CAPZB: variants seen among roughly 807,000 people sequenced by gnomAD.
CAPZB encodes capping actin protein of muscle Z-line subunit beta.
Under a neutral mutation model 38.1 loss-of-function variants are expected in CAPZB, and 2 were observed. The observed-to-expected ratio is 0.05, with a 90% CI of 0.02 to 0.17. CAPZB has a LOEUF of 0.17. Ranked by LOEUF, CAPZB falls within the 10% of genes least tolerant of loss-of-function variation. CAPZB has a pLI of 1.00. For synonymous variants in CAPZB, 107 were observed against 127.4 expected (o/e 0.84, Z 1.08); for missense variants, 161 against 334.2 (o/e 0.48, Z 4.04).
chr1:19,476,223 GA>G (rs1400759398), intron 1 of CAPZB, among the ~76,000 whole-genome samples: 2 of 14,400 alleles, frequency 1.4e-4, no homozygotes, highest in Non-Finnish European at 7.2e-4. Context: ...TAGATAGATA[GA>G]TAGGCAGGCA....
intron 1 of CAPZB, among the ~76,000 whole-genome samples, chr1:19,469,534 T>A (rs1463893836): frequency 1.3e-5 from 2 of 151,486 alleles, no homozygotes; most frequent in Admixed American, 1.3e-4. Context: ...ACAGGGAGAT[T>A]GAGGAAGTGA....
intron 1 of CAPZB, among the ~76,000 whole-genome samples, chr1:19,439,602 C>A (rs1399002619): frequency 1.6e-4 from 25 of 152,246 alleles, no homozygotes; most frequent in Admixed American, 1.6e-3. Flanking sequence ...CACAGAGAGT[C>A]CTCTGTCCAG....
chr1:19,444,135 G>T (rs1196238562), intron 1 of CAPZB, among the ~76,000 whole-genome samples: 1 of 152,042 alleles, frequency 6.6e-6, no homozygotes, highest in South Asian at 2.1e-4. Context: ...TCCAGCCGGG[G>T]CAACAGAGCC....
In CAPZB at chr1:19,382,573, T is replaced by A. The variant is rs901464193; in HGVS notation, c.215+2932A>T. Among the ~76,000 whole-genome samples, 2 of 152,144 alleles carry A rather than the reference T, an allele frequency of 1.3e-5. 1 individual carries two copies. The highest frequency in any genetic ancestry group is 4.1e-4 in the South Asian group (2 of 4,822). ...ATCGAGAAGAGGAGAAAGAAAGACA[T>A]ACTTTCTGCCTCCACACCCCAGGCT... On this transcript the variant is annotated intron_variant, in intron 3 of 8. Coordinates refer to ENST00000264202, the MANE Select transcript of CAPZB (RefSeq NM_004930.5).
intron 2 of CAPZB, 26 bp downstream of exon 2, chr1:19,419,635 T>A: frequency 7.1e-7 from 1 of 1,414,890 alleles, no homozygotes; most frequent in Non-Finnish European, 9.9e-7. Flanking sequence ...CAGTCTCAAA[T>A]GGAACCATAT....
intron 3 of CAPZB, among the ~76,000 whole-genome samples, chr1:19,379,100 C>CTTTTTTTTTTTCTTTTT (rs1558202521): frequency 7.2e-6 from 1 of 138,250 alleles, no homozygotes; most frequent in African/African-American, 2.7e-5. Flanking sequence ...TTTTTTCTTT[C>CTTTTTTTTTTTCTTTTT]TTTTTTTTTT....
At chr1:19,429,549 C>T (rs933262906) in intron 1 of CAPZB, among the ~76,000 whole-genome samples, 1 of 152,180 alleles carries the variant, frequency 6.6e-6, no homozygotes, top group Non-Finnish European at 1.5e-5. Flanking sequence ...GTACTGTCTA[C>T]CTCACGGGCC....
At chr1:19,343,249 C>A (rs1036403895) in intron 8 of CAPZB, among the ~76,000 whole-genome samples, 1 of 152,214 alleles carries the variant, frequency 6.6e-6, no homozygotes, top group Non-Finnish European at 1.5e-5. Flanking sequence ...CAAGCCTCCC[C>A]CAGGTGGGCA....
At chr1:19,469,741 TACAC>T (rs60330360) in intron 1 of CAPZB, among the ~76,000 whole-genome samples, 3,973 of 136,678 alleles carry the variant, frequency 0.029, 100 homozygotes, top group East Asian at 0.078. Flanking sequence ...AGGAAAAGAA[TACAC>T]ACACACACAC....
intron 2 of CAPZB, among the ~76,000 whole-genome samples, chr1:19,391,982 A>G (rs1326161917): frequency 1.3e-5 from 2 of 152,268 alleles, no homozygotes; most frequent in South Asian, 2.1e-4. Context: ...GGAGTTCAAG[A>G]CCAGCCTGGC....
chr1:19,421,009 G>C (rs969371044), intron 1 of CAPZB, among the ~76,000 whole-genome samples: 2 of 152,120 alleles, frequency 1.3e-5, no homozygotes, highest in African/African-American at 4.8e-5. Flanking sequence ...CAAGGGTGAA[G>C]ACCTGTGTAT....
At chr1:19,400,456 T>C (rs926306198) in intron 2 of CAPZB, among the ~76,000 whole-genome samples, 1 of 152,108 alleles carries the variant, frequency 6.6e-6, no homozygotes, top group African/African-American at 2.4e-5. Flanking sequence ...AAACCAGACA[T>C]GTTCTAAGGG....
intron 1 of CAPZB, chr1:19,484,095 C>T: frequency 7.4e-7 from 1 of 1,360,048 alleles, no homozygotes; most frequent in Non-Finnish European, 1.0e-6. Context: ...CTATGTGAAA[C>T]CCCAGGTTCC....
chr1:19,458,122 A>T (rs2094538944), intron 1 of CAPZB, among the ~76,000 whole-genome samples: 1 of 150,560 alleles, frequency 6.6e-6, no homozygotes, highest in East Asian at 1.9e-4. Context: ...AAAAACACTA[A>T]ACTGGTGCAA....
chr1:19,458,707 C>T (rs773945870), intron 1 of CAPZB, among the ~76,000 whole-genome samples: 10 of 152,222 alleles, frequency 6.6e-5, no homozygotes, highest in Non-Finnish European at 1.3e-4. Flanking sequence ...CCCTGCTCTG[C>T]GCTACCACCC....
intron 6 of CAPZB, among the ~76,000 whole-genome samples, chr1:19,346,452 TAAAAAAAAA>T (rs200968507): frequency 4.1e-5 from 3 of 73,280 alleles, no homozygotes; most frequent in South Asian, 4.5e-4. Context: ...TGAGAGAAGC[TAAAAAAAAA>T]AAAAAAAAAA....
At chr1:19,389,420 G>A (rs1368545244) in intron 2 of CAPZB, among the ~76,000 whole-genome samples, 1 of 138,284 alleles carries the variant, frequency 7.2e-6, no homozygotes, top group African/African-American at 2.7e-5. Flanking sequence ...AAGGTTACAT[G>A]GGTCGTGTGT....
At chr1:19,348,768 G>C (rs954678185) in intron 6 of CAPZB, among the ~76,000 whole-genome samples, 10 of 135,854 alleles carry the variant, frequency 7.4e-5, no homozygotes, top group Non-Finnish European at 1.1e-4. Flanking sequence ...AAGGGGGGGG[G>C]GCGGTCTAGG....
chr1:19,424,453 C>T (rs1407785145), intron 1 of CAPZB: 1 of 152,176 alleles, frequency 6.6e-6, no homozygotes, highest in African/African-American at 2.4e-5. Flanking sequence ...TCGTTCAAGC[C>T]CAGGAGTTCT....
Sources: allele counts gnomAD v4.1 joint callset (sites outside exome capture counted in the v4.1 genomes callset), GRCh38; gene constraint gnomAD v4.1.1; transcripts MANE v1.5; gene names NCBI Gene and HGNC (gene_info 2026-07-23, HGNC 2026-07-21).